GALK2: variants seen among roughly 807,000 people sequenced by gnomAD.
GALK2 encodes the protein galactokinase 2.
A neutral mutation model predicts 52.4 loss-of-function variants in GALK2; 36 were observed. The ratio of observed to expected loss-of-function variants is 0.69; its 90% CI spans 0.53 to 0.91. The LOEUF is 0.91. Among genes scored for constraint, GALK2 ranks in the 40% least tolerant of loss-of-function variants. The probability of loss-of-function intolerance (pLI) is 0.00; values close to 1 mark genes in which losing one functional copy is unlikely to be tolerated. For missense variants in GALK2, 579 were observed against 559.1 expected (o/e 1.04, Z -0.36); for synonymous variants, 176 against 199.1 (o/e 0.88, Z 0.98).
At chr15:49,299,618 C>G (rs2034789639) in intron 8 of GALK2, among the ~76,000 whole-genome samples, 2 of 151,962 alleles carry the variant, frequency 1.3e-5, no homozygotes, top group South Asian at 4.2e-4. Context: ...AATTTCATTG[C>G]CTTAATATCC....
Position 49,271,298 on chromosome 15 carries a change from G to GT in GALK2, c.505-10683dup, listed in dbSNP as rs1354689637. ...TTCCCCAACAACTTTTTTTTAGGCA[G>GT]TTTTTTCTCCCCTCTTCTCCTCTTC... On this transcript the variant is annotated intron_variant, in intron 5 of 9. Transcript: ENST00000560031. Among the ~76,000 whole-genome samples the GT allele has an allele frequency of 1.1e-4, 16 of 152,218 alleles. No homozygotes were observed. The East Asian group carries it at 2.9e-3, about 28-fold the overall frequency.
chr15:49,294,794 C>T (rs2034307842), intron 8 of GALK2, among the ~76,000 whole-genome samples: 1 of 152,134 alleles, frequency 6.6e-6, no homozygotes, highest in Non-Finnish European at 1.5e-5. Context: ...AAAAGTGGCT[C>T]AGGTCCTGTA....
At chr15:49,214,161 T>A (rs2089178264) in intron 2 of GALK2, among the ~76,000 whole-genome samples, 1 of 152,010 alleles carries the variant, frequency 6.6e-6, no homozygotes, top group South Asian at 2.1e-4. Context: ...TTTGTATCTG[T>A]TACAGGTTTT....
At chr15:49,349,887 G>A (rs1042497878) in intron 3 of GALK2, among the ~76,000 whole-genome samples, 11 of 151,920 alleles carry the variant, frequency 7.2e-5, no homozygotes, top group African/African-American at 2.2e-4. Context: ...AAAATAACCC[G>A]AAACTAGAAT....
chr15:49,161,409 A>C (rs1236669232), intron 1 of GALK2, among the ~76,000 whole-genome samples: 2 of 152,298 alleles, frequency 1.3e-5, no homozygotes, highest in East Asian at 3.9e-4. Flanking sequence ...CACACATCAA[A>C]ATATTTTTCT....
chr15:49,280,250 A>T (rs1402384223), intron 5 of GALK2, among the ~76,000 whole-genome samples: 1 of 152,210 alleles, frequency 6.6e-6, no homozygotes, highest in Non-Finnish European at 1.5e-5. Context: ...TCAATACATG[A>T]TAATAGAGTT....
intron 3 of GALK2, among the ~76,000 whole-genome samples, chr15:49,358,041 T>C (rs2043484534): frequency 6.6e-6 from 1 of 152,070 alleles, no homozygotes. Context: ...TCAACAACCC[T>C]TCATGCTAAA....
chr15:49,342,749 C>A (rs367922350), intron 3 of GALK2, among the ~76,000 whole-genome samples: 2 of 152,070 alleles, frequency 1.3e-5, no homozygotes, highest in Non-Finnish European at 2.9e-5. Flanking sequence ...TTAGTGCTTG[C>A]GTGTCTGGAA....
At position 49,155,940 on chromosome 15, in the gene GALK2, C is replaced by T. The variant is rs2084432692; in HGVS notation, c.-57C>T. 30 of 1,600,258 alleles carry T rather than the reference C, an allele frequency of 1.9e-5. No homozygotes were observed. In the Admixed American group the frequency reaches 2.3e-4, roughly 12 times the overall value. ...CTTGGGACTCTGGACGCATCTCATT[C>T]CGGTGAAAGTAAGGGACAGCTTAGG... On this transcript the variant is annotated 5_prime_UTR_variant, in exon 1 of 10. Transcript: ENST00000327171.
intron 9 of GALK2, among the ~76,000 whole-genome samples, chr15:49,320,399 G>C (rs1001767940): frequency 3.3e-5 from 5 of 152,148 alleles, no homozygotes; most frequent in African/African-American, 1.2e-4. Flanking sequence ...ATGTAAAGAG[G>C]ACAACTCTTT....
intron 3 of GALK2, among the ~76,000 whole-genome samples, chr15:49,344,791 G>A (rs1403200325): frequency 6.6e-6 from 1 of 152,122 alleles, no homozygotes; most frequent in Non-Finnish European, 1.5e-5. Context: ...AAAAGGTTCA[G>A]CAATCTTCCT....
chr15:49,266,345 G>A (rs1421570863), intron 5 of GALK2, among the ~76,000 whole-genome samples: 2 of 152,144 alleles, frequency 1.3e-5, no homozygotes, highest in African/African-American at 4.8e-5. Context: ...CTTTTGATGG[G>A]TGGAACTGCA....
chr15:49,269,388 T>C (rs1484202301), intron 5 of GALK2, among the ~76,000 whole-genome samples: 2 of 152,140 alleles, frequency 1.3e-5, no homozygotes, highest in Non-Finnish European at 2.9e-5. Flanking sequence ...CAACTCAGCA[T>C]AGGCCTCATA....
At chr15:49,249,372 T>A (rs2091494149) in intron 5 of GALK2, among the ~76,000 whole-genome samples, 1 of 152,166 alleles carries the variant, frequency 6.6e-6, no homozygotes, top group African/African-American at 2.4e-5. Context: ...GCTCTGTAAC[T>A]TGTGATAACT....
intron 3 of GALK2, among the ~76,000 whole-genome samples, chr15:49,363,669 G>A (rs1044740547): frequency 6.6e-6 from 1 of 152,118 alleles, no homozygotes; most frequent in Non-Finnish European, 1.5e-5. Flanking sequence ...TGTTGAATAG[G>A]AGTGTTGAGA....
intron 1 of GALK2, among the ~76,000 whole-genome samples, chr15:49,174,330 A>C (rs886432311): frequency 6.6e-6 from 1 of 151,864 alleles, no homozygotes. Flanking sequence ...TGGATTGCCT[A>C]TTTCTTGCTT....
intron 8 of GALK2, chr15:49,318,205 C>CAG (rs1408802993): frequency 2.0e-5 from 3 of 152,140 alleles, no homozygotes; most frequent in African/African-American, 7.2e-5. Context: ...AAGGAAGTCT[C>CAG]AGTTGTTATT....
At chr15:49,282,244 C>G (rs2032804464) in intron 6 of GALK2, among the ~76,000 whole-genome samples, 159 bp downstream of exon 6, 1 of 152,218 alleles carries the variant, frequency 6.6e-6, no homozygotes, top group Non-Finnish European at 1.5e-5. Flanking sequence ...TAACTCAAGG[C>G]TGCCACCAGT....
intron 5 of GALK2, among the ~76,000 whole-genome samples, chr15:49,251,617 A>G (rs575893647): frequency 6.6e-6 from 1 of 152,288 alleles, no homozygotes; most frequent in Non-Finnish European, 1.5e-5. Flanking sequence ...GAGCTTGTCC[A>G]GCTTGTTTGA....
Sources: allele counts gnomAD v4.1 joint callset (sites outside exome capture counted in the v4.1 genomes callset), GRCh38; gene constraint gnomAD v4.1.1; transcripts MANE v1.5; gene names NCBI Gene and HGNC (gene_info 2026-07-23, HGNC 2026-07-21).